TRPM6: variants seen among roughly 807,000 people sequenced by gnomAD.
The protein encoded by TRPM6 is channel kinase 2.
Under a neutral mutation model 247.6 loss-of-function variants are expected in TRPM6, and 111 were observed. The ratio of observed to expected loss-of-function variants is 0.45; its 90% CI spans 0.38 to 0.52. The LOEUF is 0.52. Among genes scored for constraint, TRPM6 ranks in the 20% least tolerant of loss-of-function variants. The pLI is 0.00. For missense variants in TRPM6, 2,126 were observed against 2,421.5 expected (o/e 0.88, Z 2.56); for synonymous variants, 892 against 853.8 (o/e 1.04, Z -0.78).
At position 74,724,446 on chromosome 9, in the gene TRPM6, C is replaced by A. The variant is rs1825247381; in HGVS notation, c.*167G>T. 3.2e-6 allele frequency: 3 copies of A among 933,908 alleles called. No homozygotes were observed. Among genetic ancestry groups the A allele is most frequent in the Non-Finnish European group, 5.0e-6 (3 of 597,838 alleles). 57.9% of individuals were successfully genotyped at this position (933,908 alleles called of 1,614,324 possible). A position where few individuals can be genotyped will look rare whatever the true frequency, so the allele number is the denominator to read the frequency against. ...GGACAGAGGTCAGTGTCTAGGAGAA[C>A]CCATTGATCATATACCAATGAGGCC... is the stretch of plus-strand genomic sequence containing the variant. On this transcript the variant is annotated 3_prime_UTR_variant, in exon 39 of 39. Coordinates refer to ENST00000360774, the MANE Select transcript of TRPM6 (RefSeq NM_017662.5).
rs555316039 is a variant in TRPM6, at chr9:74,849,893, T to C, written c.152+5634A>G. Among the ~76,000 whole-genome samples the C allele has an allele frequency of 8.5e-5, 13 of 152,344 alleles. No homozygotes were observed. The South Asian group carries it at 2.7e-3, about 32-fold the overall frequency. Reference sequence around the variant, plus strand: ...AAGGTGGTCTCTAATGCCTTCCATTTCCTTTCATTGTGTAACTGAGAACCT... The same window carrying C: ...AAGGTGGTCTCTAATGCCTTCCATTCCCTTTCATTGTGTAACTGAGAACCT... On this transcript the variant is annotated intron_variant, in intron 3 of 38. Transcript: ENST00000360774.
At chr9:74,732,517 T>G (rs968839774) in intron 37 of TRPM6, among the ~76,000 whole-genome samples, 168 bp downstream of exon 37, 2 of 152,216 alleles carry the variant, frequency 1.3e-5, no homozygotes, top group African/African-American at 4.8e-5. Flanking sequence ...CCCCATTTCC[T>G]AACCTATGCT....
chr9:74,815,582 G>A (rs1034844942), intron 11 of TRPM6, among the ~76,000 whole-genome samples: 9 of 152,144 alleles, frequency 5.9e-5, no homozygotes, highest in Non-Finnish European at 1.0e-4. Context: ...GGTGCATCCC[G>A]GGATGACAGC....
chr9:74,739,761 T>C lies in TRPM6; in HGVS notation c.5449A>G (p.Ile1817Val). ...LPEVVRTWHK[I>V]FQESTVLHLC... Reference sequence around the variant, plus strand: ...TGAAGCACAGTGCTCTCCTGGAAGATTTTATGCCATGTCCGCACAACCTCA... The same window carrying C: ...TGAAGCACAGTGCTCTCCTGGAAGACTTTATGCCATGTCCGCACAACCTCA... The change falls in exon 34 of 39, where the codon ATC becomes GTC. Residue 1817 changes from isoleucine to valine, a missense_variant. Around this residue, in one of 3 missense-constraint regions of TRPM6, gnomAD observed 327 missense variants for 397.7 expected, o/e 0.82. Transcript: ENST00000360774. 1 of 1,613,928 alleles carries C rather than the reference T, an allele frequency of 6.2e-7. No individual in the cohort carries two copies. The highest frequency in any genetic ancestry group is 8.5e-7 in the Non-Finnish European group (1 of 1,180,010).
Position 74,730,951 on chromosome 9 carries a change from A to G in TRPM6, c.5828+1734T>C, listed in dbSNP as rs1432722977. On this transcript the variant is annotated intron_variant, in intron 37 of 38. Coordinates refer to ENST00000360774, the MANE Select transcript of TRPM6 (RefSeq NM_017662.5). ...GTCATAAGAAAATAAAGTTGCCCTA[A>G]GACAGAGTTTCTCAACCCTGGTTGC... is the stretch of plus-strand genomic sequence containing the variant. Among the ~76,000 whole-genome samples, 5 of 152,316 alleles carry G rather than the reference A, an allele frequency of 3.3e-5. No individual in the cohort carries two copies. In the East Asian group the frequency reaches 9.6e-4, roughly 29 times the overall value.
Position 74,724,402 on chromosome 9 carries a change from T to G in TRPM6, c.*211A>C. 8.1e-6 allele frequency: 5 copies of G among 619,152 alleles called. No individual in the cohort carries two copies. Among genetic ancestry groups the G allele is most frequent in the East Asian group, 2.9e-5 (1 of 34,664 alleles). 38.4% of individuals were successfully genotyped at this position (619,152 alleles called of 1,614,324 possible). ...AGCATCTTCGTGTGGAACTTGAGGA[T>G]GGAGCTGCAAAGTGCCCTGGACAGA... is the stretch of plus-strand genomic sequence containing the variant. On this transcript the variant is annotated 3_prime_UTR_variant, in exon 39 of 39. Coordinates refer to ENST00000360774, the MANE Select transcript of TRPM6 (RefSeq NM_017662.5).
At chr9:74,795,493 G>A (rs141635374) in intron 18 of TRPM6, among the ~76,000 whole-genome samples, 5 of 152,202 alleles carry the variant, frequency 3.3e-5, no homozygotes, top group East Asian at 1.9e-4. Flanking sequence ...TACCACTTGC[G>A]ATGCTTTACA....
At chr9:74,735,239 A>G (rs1277712101) in intron 36 of TRPM6, among the ~76,000 whole-genome samples, 1 of 151,986 alleles carries the variant, frequency 6.6e-6, no homozygotes, top group East Asian at 1.9e-4. Context: ...AAAAACAAAA[A>G]AGGAAGAATT....
intron 7 of TRPM6, chr9:74,826,770 GCT>G (rs371781324): frequency 0.011 from 1,342 of 120,246 alleles, 28 homozygotes; most frequent in African/African-American, 0.042. Context: ...ACAGAGTCTT[GCT>G]CTGTCACCTG....
intron 9 of TRPM6, among the ~76,000 whole-genome samples, chr9:74,817,501 T>C (rs1476327670): frequency 6.6e-6 from 1 of 152,208 alleles, no homozygotes; most frequent in Non-Finnish European, 1.5e-5. Context: ...ACTTGCTTTT[T>C]TACGAGAAAT....
rs374581753 is a variant in TRPM6 at position 74,816,853 on chromosome 9, G to A, written c.1207+39C>T. ...CAAAGTACTGTGGAACATGAGAAGCGTAAATGAGGAACAATTGCAACCCCA... is the reference window on the plus strand; with the variant it reads ...CAAAGTACTGTGGAACATGAGAAGCATAAATGAGGAACAATTGCAACCCCA... On this transcript the variant is annotated intron_variant, in intron 10 of 38. Coordinates refer to ENST00000360774, the MANE Select transcript of TRPM6 (RefSeq NM_017662.5). 190 of 1,609,814 alleles carry A rather than the reference G, an allele frequency of 1.2e-4. 1 individual carries two copies. The South Asian group carries it at 1.5e-3, about 13-fold the overall frequency.
intron 23 of TRPM6, among the ~76,000 whole-genome samples, chr9:74,780,149 A>G (rs975896840): frequency 1.4e-5 from 2 of 145,568 alleles, no homozygotes; most frequent in South Asian, 2.2e-4. Context: ...TCCAGCCTGG[A>G]CAACAGAGAG....
At chr9:74,862,941 A>G (rs2118396215) in intron 1 of TRPM6, among the ~76,000 whole-genome samples, 1 of 150,522 alleles carries the variant, frequency 6.6e-6, no homozygotes, top group Non-Finnish European at 1.5e-5. Context: ...AGATCATGCC[A>G]CTGCACTCCA....
At chr9:74,879,497 GA>G (rs1385568909) in intron 1 of TRPM6, among the ~76,000 whole-genome samples, 1 of 152,068 alleles carries the variant, frequency 6.6e-6, no homozygotes, top group Non-Finnish European at 1.5e-5. Flanking sequence ...AAGTTCTGAG[GA>G]AACAGAATTT....
At chr9:74,850,336 C>A (rs1020670444) in intron 3 of TRPM6, among the ~76,000 whole-genome samples, 1 of 151,986 alleles carries the variant, frequency 6.6e-6, no homozygotes, top group Non-Finnish European at 1.5e-5. Flanking sequence ...TGGGCCATTG[C>A]GCTCCAGCCT....
chr9:74,830,132 A>AAAAAC (rs552502797), intron 6 of TRPM6, among the ~76,000 whole-genome samples: 67 of 152,304 alleles, frequency 4.4e-4, no homozygotes, highest in South Asian at 3.3e-3. Flanking sequence ...TTTATCTTAA[A>AAAAAC]AAAACAAAAC....
At chr9:74,830,380 TTTTG>T (rs373642392) in intron 6 of TRPM6, among the ~76,000 whole-genome samples, 81 of 152,110 alleles carry the variant, frequency 5.3e-4, no homozygotes, top group African/African-American at 1.6e-3. Context: ...TTTGGGGTTT[TTTTG>T]TTTGTTTGTT....
chr9:74,871,368 C>T (rs1054058132), intron 1 of TRPM6, among the ~76,000 whole-genome samples: 11 of 152,208 alleles, frequency 7.2e-5, no homozygotes, highest in Admixed American at 5.2e-4. Context: ...GGTATATCCC[C>T]CAAAAAATTC....
At chr9:74,745,702 T>C (rs1314998268) in intron 31 of TRPM6, among the ~76,000 whole-genome samples, 1 of 151,980 alleles carries the variant, frequency 6.6e-6, no homozygotes, top group Non-Finnish European at 1.5e-5. Context: ...TTAAGGAGAG[T>C]GTAGCCACAG....
Sources: gnomAD v4.1 joint callset for allele counts (sites outside exome capture counted in the v4.1 genomes callset) on GRCh38, gnomAD v4.1.1 for gene constraint, gnomAD v4.1.1 regional missense constraint, MANE v1.5 for transcripts, NCBI Gene and HGNC (gene_info 2026-07-23, HGNC 2026-07-21) for gene names.